The following PTPRS variants were observed in gnomAD, a reference collection of about 807,000 sequenced individuals.
PTPRS encodes the protein protein tyrosine phosphatase receptor type S.
Under a neutral mutation model 215.3 loss-of-function variants are expected in PTPRS, and 63 were observed. That is an observed-to-expected ratio of 0.29 (90% CI 0.24 to 0.36). The LOEUF is 0.36. PTPRS is among the 10% of genes least tolerant of loss of function. PTPRS has a pLI of 1.00. For missense variants in PTPRS, 2,258 were observed against 2,825.8 expected, an observed-to-expected ratio of 0.80 and a Z score of 4.56; for synonymous variants, 1,404 against 1,191.4, an observed-to-expected ratio of 1.18 and a Z score of -3.68.
At chr19:5,212,962 G>C (rs1156978963) in intron 30 of PTPRS, among the ~76,000 whole-genome samples, 1 of 151,926 alleles carries the variant, frequency 6.6e-6, no homozygotes, top group African/African-American at 2.4e-5. Flanking sequence ...CACACACAAC[G>C]TGGCCAACTG....
intron 4 of PTPRS, 38 bp from the exon 5 acceptor site, chr19:5,265,234 G>A (rs1411894118): frequency 6.3e-7 from 1 of 1,582,718 alleles, no homozygotes. Context: ...GCATGGTTCT[G>A]AGCACTGCAC....
rs1052201559 is a variant in PTPRS, at chr19:5,237,979, G to A, written c.1849+940C>T. On this transcript the variant is annotated intron_variant, in intron 13 of 37. Coordinates refer to ENST00000262963, the MANE Select transcript of PTPRS (RefSeq NM_002850.4). This position sits in a 1 kb window ranked among gnomAD's most constrained non-coding sequence, Gnocchi z 4.2. The stretch of plus-strand genomic sequence containing the variant: ...GCCCCTGTGTACACACACCCAGGGC[G>A]GGCCTTGAAGGTTTGACCATCATGA... Among the ~76,000 whole-genome samples the A allele has an allele frequency of 3.3e-5, 5 of 152,152 alleles. No individual in the cohort carries two copies. Among genetic ancestry groups the A allele is most frequent in the African/African-American group, 1.2e-4 (5 of 41,430 alleles).
intron 1 of PTPRS, among the ~76,000 whole-genome samples, chr19:5,291,128 G>A (rs968225916): frequency 6.6e-6 from 1 of 152,086 alleles, no homozygotes; most frequent in African/African-American, 2.4e-5. Context: ...TTTGTATTGG[G>A]ACGACGTGAA....
rs1322385948 is a variant in PTPRS at position 5,205,835 on chromosome 19, G to C, written c.*939C>G. Among the ~76,000 whole-genome samples, 2 of 152,060 alleles carry C rather than the reference G, an allele frequency of 1.3e-5. No individual in the cohort carries two copies. The highest frequency in any genetic ancestry group is 6.5e-5 in the Admixed American group (1 of 15,278). On this transcript the variant is annotated 3_prime_UTR_variant, in exon 38 of 38. Transcript: ENST00000262963. ...GGAGACAGCTCAGGCTCTCAGAGGAGGACCACTGTCATCTCTCTCCTCTTA... is the reference window on the plus strand; with the variant it reads ...GGAGACAGCTCAGGCTCTCAGAGGACGACCACTGTCATCTCTCTCCTCTTA...
chr19:5,223,073 C>A lies in PTPRS; in HGVS notation c.2719G>T (p.Ala907Ser). 1.3e-6 allele frequency: 2 copies of A among 1,556,246 alleles called. No homozygotes were observed. The highest frequency in any genetic ancestry group is 1.7e-6 in the Non-Finnish European group (2 of 1,150,920). The change falls in exon 18 of 38, where the codon GCC becomes TCC. Residue 907 changes from alanine to serine, a missense_variant. Transcript: ENST00000262963. ...KGATYVFRLA[A>S]RSRGGLGEEA... is the part of the protein sequence containing the mutation. ...TCGCCCAGGCCGCCGCGGCTCCGGGCCGCAAGCCGGAACACATACGTGGCC... is the reference window on the plus strand; with the variant it reads ...TCGCCCAGGCCGCCGCGGCTCCGGGACGCAAGCCGGAACACATACGTGGCC...
At chr19:5,281,009 C>T (rs546874118) in intron 2 of PTPRS, among the ~76,000 whole-genome samples, 22 of 151,886 alleles carry the variant, frequency 1.4e-4, no homozygotes, top group East Asian at 4.0e-4. Context: ...CCAGGCTGGT[C>T]GCGAACTCCT....
chr19:5,266,066 G>A (rs2046376417), intron 4 of PTPRS, among the ~76,000 whole-genome samples: 1 of 152,228 alleles, frequency 6.6e-6, no homozygotes, highest in African/African-American at 2.4e-5. Context: ...TTAAGACCCA[G>A]CCTGGCCCAC....
intron 1 of PTPRS, among the ~76,000 whole-genome samples, chr19:5,312,372 G>A (rs2049735078): frequency 6.6e-6 from 1 of 152,132 alleles, no homozygotes; most frequent in Non-Finnish European, 1.5e-5. Flanking sequence ...TATAATAATA[G>A]CAGCAGGGCC....
intron 1 of PTPRS, among the ~76,000 whole-genome samples, chr19:5,304,390 G>A (rs1235650238): frequency 6.6e-6 from 1 of 152,126 alleles, no homozygotes. Context: ...TGAGGCAGGA[G>A]GATCGCTTGA....
At chr19:5,331,281 C>T (rs950537778) in intron 1 of PTPRS, among the ~76,000 whole-genome samples, 2 of 150,904 alleles carry the variant, frequency 1.3e-5, no homozygotes, top group African/African-American at 4.9e-5. Context: ...TACGTGTGCA[C>T]CCCAACCCTC....
chr19:5,298,412 T>C (rs985739643), intron 1 of PTPRS, among the ~76,000 whole-genome samples: 2 of 152,230 alleles, frequency 1.3e-5, no homozygotes, highest in Non-Finnish European at 2.9e-5. Flanking sequence ...CCAGCCTGTC[T>C]GTCCCACCTC....
intron 30 of PTPRS, among the ~76,000 whole-genome samples, chr19:5,213,905 C>G (rs1407310125): frequency 6.6e-6 from 1 of 152,172 alleles, no homozygotes; most frequent in Non-Finnish European, 1.5e-5. Flanking sequence ...TGGACAGCAG[C>G]CATCAGTTAA....
chr19:5,254,372 G>A (rs1204913925), intron 9 of PTPRS, among the ~76,000 whole-genome samples: 3 of 150,568 alleles, frequency 2.0e-5, no homozygotes, highest in Admixed American at 1.3e-4. Context: ...TCTAAACGGG[G>A]TAGTCAGCTG....
In PTPRS at chr19:5,277,842, G is replaced by A. The variant is rs1870689363; in HGVS notation, c.92-3498C>T. The A allele has an allele frequency of 3.7e-6, 3 of 812,758 alleles. No homozygotes were observed. The Admixed American group carries it at 5.2e-5, about 14-fold the overall frequency. 50.3% of individuals were successfully genotyped at this position (812,758 alleles called of 1,614,324 possible). On this transcript the variant is annotated intron_variant, in intron 2 of 37. Coordinates refer to ENST00000262963, the MANE Select transcript of PTPRS (RefSeq NM_002850.4). ...TGTCAAAATTAAGCGTTAACTGGGG[G>A]AAACCCAGAGGTATTGACAACAGGG...
chr19:5,224,290 C>T (rs781265840), intron 17 of PTPRS, among the ~76,000 whole-genome samples: 3 of 152,164 alleles, frequency 2.0e-5, no homozygotes, highest in Non-Finnish European at 2.9e-5. Flanking sequence ...GAAGAGGGAA[C>T]GGCCCATGCA....
intron 22 of PTPRS, among the ~76,000 whole-genome samples, chr19:5,219,695 T>C (rs1413083459): frequency 6.6e-6 from 1 of 152,232 alleles, no homozygotes; most frequent in Non-Finnish European, 1.5e-5. Flanking sequence ...CCTTTGCACA[T>C]GCAAATCCTG....
chr19:5,266,664 G>A (rs1411593572), intron 4 of PTPRS, among the ~76,000 whole-genome samples: 1 of 151,928 alleles, frequency 6.6e-6, no homozygotes, highest in Non-Finnish European at 1.5e-5. Flanking sequence ...AGCCCCACCT[G>A]CCTTTCTAAA....
chr19:5,238,727 C>G (rs1366549987), intron 13 of PTPRS, among the ~76,000 whole-genome samples, 192 bp downstream of exon 13: 2 of 152,222 alleles, frequency 1.3e-5, no homozygotes, highest in Non-Finnish European at 2.9e-5. Flanking sequence ...CTGAGACCCT[C>G]GCTGTGCTGA....
At chr19:5,267,315 G>A (rs1226412526) in intron 4 of PTPRS, among the ~76,000 whole-genome samples, 1 of 152,150 alleles carries the variant, frequency 6.6e-6, no homozygotes, top group Non-Finnish European at 1.5e-5. Context: ...CTGAGGTGAT[G>A]AGGTGAGCCA....
Sources: allele counts gnomAD v4.1 joint callset (sites outside exome capture counted in the v4.1 genomes callset), GRCh38; gene constraint gnomAD v4.1.1; non-coding constraint Gnocchi (gnomAD v3.1); transcripts MANE v1.5; gene names NCBI Gene and HGNC (gene_info 2026-07-23, HGNC 2026-07-21).